KCNT2: variants seen among roughly 807,000 people sequenced by gnomAD.
KCNT2 encodes the protein potassium channel subfamily T member 2.
In KCNT2, 67 loss-of-function variants were observed where a neutral mutation model predicts 153.8. The observed-to-expected ratio is 0.44, with a 90% confidence interval of 0.36 to 0.53. The LOEUF (loss-of-function observed/expected upper bound fraction) is 0.53. Ranked by LOEUF, KCNT2 falls within the 20% of genes least tolerant of loss-of-function variation. KCNT2 has a pLI of 0.00. For synonymous variants in KCNT2, 500 were observed against 458.8 expected, an observed-to-expected ratio of 1.09 and a Z score of -1.15; for missense variants, 975 against 1,354.8, an observed-to-expected ratio of 0.72 and a Z score of 4.40.
At chr1:196,603,504 A>G (rs557971403) in intron 1 of KCNT2, among the ~76,000 whole-genome samples, 7 of 152,218 alleles carry the variant, frequency 4.6e-5, no homozygotes, top group Non-Finnish European at 5.9e-5. Flanking sequence ...TATATTTTGC[A>G]GTGTATATCT....
chr1:196,285,380 C>A (rs767100923), intron 23 of KCNT2, among the ~76,000 whole-genome samples: 1 of 151,950 alleles, frequency 6.6e-6, no homozygotes, highest in African/African-American at 2.4e-5. Context: ...GCAAAATGTA[C>A]TAAAATGTAT....
At position 196,608,423 on chromosome 1, in the gene KCNT2, G is replaced by A; in HGVS notation, c.-114C>T. 1 of 811,286 alleles carries A rather than the reference G, an allele frequency of 1.2e-6. No homozygotes were observed. The highest frequency in any genetic ancestry group is 2.6e-5 in the East Asian group (1 of 38,614). The allele number at this position is 811,286 out of a possible 1,614,324, so 50.3% of individuals were successfully genotyped here. On this transcript the variant is annotated 5_prime_UTR_variant, in exon 1 of 28. Coordinates refer to ENST00000294725, the MANE Select transcript of KCNT2 (RefSeq NM_198503.5). ...TAACAAGACGCTGTGGCCGAGAGAG[G>A]GATGGGAGAAGGGGAAGGGGACAGG...
chr1:196,535,257 T>G (rs1419049655), intron 1 of KCNT2, among the ~76,000 whole-genome samples: 1 of 152,182 alleles, frequency 6.6e-6, no homozygotes, highest in Non-Finnish European at 1.5e-5. Flanking sequence ...GTCAACACCA[T>G]CTCATTTTGT....
chr1:196,510,357 C>T (rs1681510028), intron 1 of KCNT2, among the ~76,000 whole-genome samples: 2 of 152,034 alleles, frequency 1.3e-5, no homozygotes, highest in Admixed American at 6.6e-5. Flanking sequence ...AGGCATTTGC[C>T]CAAAGTTGTA....
chr1:196,421,895 G>A (rs1673238157), intron 12 of KCNT2, among the ~76,000 whole-genome samples: 1 of 151,948 alleles, frequency 6.6e-6, no homozygotes, highest in Non-Finnish European at 1.5e-5. Context: ...ATGTTTACAT[G>A]GTGTTTTCCC....
intron 19 of KCNT2, among the ~76,000 whole-genome samples, chr1:196,320,116 G>T (rs1663143243): frequency 1.3e-5 from 2 of 151,542 alleles, no homozygotes; most frequent in African/African-American, 4.8e-5. Flanking sequence ...TGAAAGTAAT[G>T]CATTTTTAAA....
intron 23 of KCNT2, 73 bp downstream of exon 23, chr1:196,285,584 G>T (rs1186309034): frequency 1.1e-6 from 1 of 881,046 alleles, no homozygotes; most frequent in Non-Finnish European, 1.8e-6. Flanking sequence ...AACACTAGAT[G>T]TATTATTCAT....
chr1:196,416,933 T>C (rs1424645933), intron 12 of KCNT2, among the ~76,000 whole-genome samples: 1 of 151,998 alleles, frequency 6.6e-6, no homozygotes. Context: ...CCCACTACCC[T>C]TCCCAGCCTC....
At chr1:196,374,340 A>T (rs1309908705) in intron 13 of KCNT2, among the ~76,000 whole-genome samples, 3 of 151,880 alleles carry the variant, frequency 2.0e-5, no homozygotes, top group African/African-American at 7.2e-5. Context: ...AATGCTCTGG[A>T]CAAACATTGA....
At chr1:196,483,081 C>T (rs1393439852) in intron 3 of KCNT2, among the ~76,000 whole-genome samples, 3 of 152,012 alleles carry the variant, frequency 2.0e-5, no homozygotes, top group African/African-American at 7.3e-5. Flanking sequence ...AGCAATATAC[C>T]CTATTCAGGA....
intron 11 of KCNT2, among the ~76,000 whole-genome samples, chr1:196,424,887 TACAC>T (rs1673519380): frequency 6.8e-6 from 1 of 146,712 alleles, no homozygotes; most frequent in African/African-American, 2.5e-5. Flanking sequence ...CACACACACA[TACAC>T]ACACACTTGC....
intron 25 of KCNT2, among the ~76,000 whole-genome samples, chr1:196,277,912 T>G (rs962344565): frequency 6.6e-6 from 1 of 152,172 alleles, no homozygotes; most frequent in African/African-American, 2.4e-5. Context: ...GGGTTAATAT[T>G]TAATTGATAT....
intron 8 of KCNT2, among the ~76,000 whole-genome samples, chr1:196,447,168 C>G (rs1675756761): frequency 6.6e-6 from 1 of 151,398 alleles, no homozygotes; most frequent in Non-Finnish European, 1.5e-5. Context: ...AGTTTCATTT[C>G]CAGAACATAT....
chr1:196,463,572 C>T (rs1677343378), intron 8 of KCNT2, among the ~76,000 whole-genome samples: 1 of 151,568 alleles, frequency 6.6e-6, no homozygotes, highest in Non-Finnish European at 1.5e-5. Context: ...CATCTCAAAA[C>T]CACTACTCGG....
At chr1:196,422,404 A>G (rs1395410107) in intron 12 of KCNT2, among the ~76,000 whole-genome samples, 8 of 152,032 alleles carry the variant, frequency 5.3e-5, no homozygotes, top group Non-Finnish European at 7.4e-5. Context: ...AGGAGGTAGT[A>G]GAATTTACTG....
chr1:196,309,629 C>G (rs563458329), intron 21 of KCNT2, among the ~76,000 whole-genome samples: 2 of 151,886 alleles, frequency 1.3e-5, no homozygotes, highest in African/African-American at 4.8e-5. Flanking sequence ...CATAATGAAA[C>G]ACTGTATGTT....
At chr1:196,307,499 A>G (rs1052075991) in intron 21 of KCNT2, among the ~76,000 whole-genome samples, 2 of 152,106 alleles carry the variant, frequency 1.3e-5, no homozygotes, top group African/African-American at 2.4e-5. Flanking sequence ...GGTTTTATTC[A>G]TGCCTTAGCT....
intron 1 of KCNT2, among the ~76,000 whole-genome samples, chr1:196,584,960 G>A (rs548437148): frequency 1.3e-4 from 20 of 152,116 alleles, no homozygotes; most frequent in South Asian, 4.1e-4. Flanking sequence ...TCCAGTAGGC[G>A]TGGGTCCCAT....
chr1:196,351,271 T>C (rs1335224598), intron 14 of KCNT2, among the ~76,000 whole-genome samples: 4 of 152,172 alleles, frequency 2.6e-5, no homozygotes, highest in African/African-American at 7.2e-5. Flanking sequence ...GGGGATGGCA[T>C]TGAATCTATA....
Sources: gnomAD v4.1 joint callset for allele counts (sites outside exome capture counted in the v4.1 genomes callset) on GRCh38, gnomAD v4.1.1 for gene constraint, MANE v1.5 for transcripts, NCBI Gene and HGNC (gene_info 2026-07-23, HGNC 2026-07-21) for gene names.